Variants in DPP10 observed in about 807,000 individuals in gnomAD.
DPP10 encodes inactive dipeptidyl peptidase 10.
DPP10 carries 33 observed loss-of-function variants against 120.9 expected under a neutral mutation model. That is an observed-to-expected ratio of 0.27 (90% CI 0.21 to 0.37). DPP10 has a LOEUF of 0.37. DPP10 is among the 10% of genes least tolerant of loss of function. The pLI is 1.00. For synonymous variants in DPP10, 337 were observed against 326.1 expected (o/e 1.03, Z -0.36); for missense variants, 816 against 942.8 (o/e 0.87, Z 1.76).
intron 1 of DPP10, among the ~76,000 whole-genome samples, chr2:114,897,877 G>C (rs1574442810): frequency 6.6e-6 from 1 of 151,772 alleles, no homozygotes; most frequent in Admixed American, 6.6e-5. Flanking sequence ...TGGAGAAATA[G>C]GAACACTTTT....
intron 3 of DPP10, among the ~76,000 whole-genome samples, chr2:115,378,595 T>G (rs2066007796): frequency 6.7e-6 from 1 of 150,318 alleles, no homozygotes; most frequent in Non-Finnish European, 1.5e-5. Flanking sequence ...CTATGTTGAA[T>G]AGGAGTGGTG....
In DPP10 at chr2:115,844,991, A is replaced by T. The variant is rs781768379; in HGVS notation, c.*2646A>T. On this transcript the variant is annotated 3_prime_UTR_variant, in exon 26 of 26. Coordinates refer to ENST00000410059, the MANE Select transcript of DPP10 (RefSeq NM_020868.6). ...AAAGATGGATCTCACTTCACTCTGA[A>T]AATGTGCCTTTTTTTAATTGGGTGT... The T allele has an allele frequency of 1.3e-5, 2 of 152,184 alleles. No homozygotes were observed. The highest frequency in any genetic ancestry group is 2.9e-5 in the Non-Finnish European group (2 of 68,024). The allele number at this position is 152,184 out of a possible 1,614,324, so 9.4% of individuals were successfully genotyped here.
chr2:115,125,269 A>G (rs562962315), intron 1 of DPP10, among the ~76,000 whole-genome samples: 5 of 152,222 alleles, frequency 3.3e-5, no homozygotes, highest in Non-Finnish European at 5.9e-5. Flanking sequence ...TGTAAAAATC[A>G]TCTCTGAGTA....
chr2:114,628,841 T>C (rs1694706104), intron 1 of DPP10, among the ~76,000 whole-genome samples: 1 of 152,164 alleles, frequency 6.6e-6, no homozygotes, highest in Non-Finnish European at 1.5e-5. Context: ...CCTTGTTTAA[T>C]ACCATGTTTT....
intron 1 of DPP10, among the ~76,000 whole-genome samples, chr2:114,497,157 AG>A (rs1411601722): frequency 3.5e-5 from 5 of 143,498 alleles, no homozygotes; most frequent in Admixed American, 1.4e-4. Context: ...GTATACATGT[AG>A]GTGTACACGT....
At chr2:114,889,067 G>A (rs567527610) in intron 1 of DPP10, among the ~76,000 whole-genome samples, 2 of 152,202 alleles carry the variant, frequency 1.3e-5, no homozygotes, top group African/African-American at 4.8e-5. Flanking sequence ...AGACACAAAG[G>A]GGAGATCATG....
In DPP10 at chr2:115,836,610, T is replaced by TA. The variant is rs35850973; in HGVS notation, c.2109+51dup. On this transcript the variant is annotated intron_variant, in intron 23 of 25. Transcript: ENST00000410059. ...CAAAGAAAGAGGAGTATTTTTGTTCTAAAAAATTAGTTAAATGGCTTATTT... is the reference window on the plus strand; with the variant it reads ...CAAAGAAAGAGGAGTATTTTTGTTCTAAAAAAATTAGTTAAATGGCTTATTT... The TA allele has an allele frequency of 2.5e-3, 4,027 of 1,609,094 alleles. 79 individuals are homozygous for TA. The African/African-American group carries it at 0.041, about 17-fold the overall frequency.
At chr2:115,501,188 T>G (rs2076664653) in intron 4 of DPP10, among the ~76,000 whole-genome samples, 1 of 152,060 alleles carries the variant, frequency 6.6e-6, no homozygotes, top group Non-Finnish European at 1.5e-5. Flanking sequence ...AATTATTCTA[T>G]TATGTGGCTG....
At chr2:115,446,402 C>T (rs888106778) in intron 3 of DPP10, among the ~76,000 whole-genome samples, 6 of 152,102 alleles carry the variant, frequency 3.9e-5, no homozygotes, top group Admixed American at 2.6e-4. Context: ...GTCCTCCAGA[C>T]CCCAGAATGG....
intron 1 of DPP10, among the ~76,000 whole-genome samples, chr2:114,680,309 G>A (rs981006305): frequency 6.6e-6 from 1 of 151,914 alleles, no homozygotes; most frequent in South Asian, 2.1e-4. Context: ...CTAAACTACA[G>A]AGCCATTTTC....
Position 114,758,410 on chromosome 2 carries a change from C to G in DPP10, c.60+315572C>G, listed in dbSNP as rs144764968. 2.6e-5 allele frequency among the ~76,000 whole-genome samples: 4 copies of G among 152,126 alleles called. No individual in the cohort carries two copies. The South Asian group carries it at 8.3e-4, about 32-fold the overall frequency. On this transcript the variant is annotated intron_variant, in intron 1 of 25. Transcript: ENST00000410059. ...TGAAGTCTTTATTTGAGAAGCATTC[C>G]GATCTGAGGGTTTTTTCCCTCGTCT... is the stretch of plus-strand genomic sequence containing the variant.
Position 115,826,537 on chromosome 2 carries a change from G to T in DPP10, c.1951-9620G>T, listed in dbSNP as rs532781625. Reference sequence around the variant, plus strand: ...GGAGTTCGAGACCAGCCTGGCCAACGTGGTAAAACACCGTCTCTACTAAAA... The same window carrying T: ...GGAGTTCGAGACCAGCCTGGCCAACTTGGTAAAACACCGTCTCTACTAAAA... On this transcript the variant is annotated intron_variant, in intron 21 of 25. Transcript: ENST00000410059. 1.3e-4 allele frequency among the ~76,000 whole-genome samples: 20 copies of T among 151,890 alleles called. 1 individual carries two copies. Among genetic ancestry groups the T allele is most frequent in the African/African-American group, 3.9e-4 (16 of 41,450 alleles).
chr2:115,143,557 ATATTCTAAAATATGCAGT>A (rs1230549965), intron 1 of DPP10, among the ~76,000 whole-genome samples: 1 of 152,242 alleles, frequency 6.6e-6, no homozygotes, highest in Non-Finnish European at 1.5e-5. Flanking sequence ...CCACAAGGCT[ATATTCTAAAATATGCAGT>A]TAATGCCATA....
At chr2:114,473,061 G>GCCAAATC (rs1680060979) in intron 1 of DPP10, among the ~76,000 whole-genome samples, 8 of 152,276 alleles carry the variant, frequency 5.3e-5, no homozygotes, top group African/African-American at 1.9e-4. Flanking sequence ...CCAAATCTGG[G>GCCAAATC]TGGTGTGTGC....
At chr2:115,486,477 C>G (rs2075786372) in intron 3 of DPP10, among the ~76,000 whole-genome samples, 1 of 152,126 alleles carries the variant, frequency 6.6e-6, no homozygotes, top group Non-Finnish European at 1.5e-5. Context: ...CCTTTGGGAT[C>G]ATATAAACAC....
intron 1 of DPP10, among the ~76,000 whole-genome samples, chr2:114,834,217 G>T (rs1188440925): frequency 2.9e-5 from 4 of 138,542 alleles, no homozygotes; most frequent in Non-Finnish European, 6.2e-5. Context: ...ACACACCTAT[G>T]TATATATATA....
chr2:115,023,569 T>C (rs930114521), intron 1 of DPP10, among the ~76,000 whole-genome samples: 3 of 152,024 alleles, frequency 2.0e-5, no homozygotes, highest in Admixed American at 6.6e-5. Context: ...GTACAACCAC[T>C]AGGGCAAACA....
intron 5 of DPP10, among the ~76,000 whole-genome samples, chr2:115,554,647 T>C (rs180880565): frequency 8.5e-4 from 129 of 152,222 alleles, no homozygotes; most frequent in African/African-American, 2.9e-3. Flanking sequence ...TCAGGAATCC[T>C]TCCGAAAACA....
intron 1 of DPP10, among the ~76,000 whole-genome samples, chr2:114,671,804 G>C (rs1698360988): frequency 1.3e-5 from 2 of 151,934 alleles, no homozygotes; most frequent in Admixed American, 6.6e-5. Flanking sequence ...GAATCCATTG[G>C]TTTCTAGTTT....
Sources: allele counts gnomAD v4.1 joint callset (sites outside exome capture counted in the v4.1 genomes callset), GRCh38; gene constraint gnomAD v4.1.1; transcripts MANE v1.5; gene names NCBI Gene and HGNC (gene_info 2026-07-23, HGNC 2026-07-21).